Variants in TP63 observed in about 807,000 individuals in gnomAD.
The protein encoded by TP63 is tumor protein 63.
Under a neutral mutation model 82.8 loss-of-function variants are expected in TP63, and 17 were observed. The observed-to-expected ratio is 0.21, with a 90% CI of 0.14 to 0.31. The LOEUF is 0.31. Among genes scored for constraint, TP63 ranks in the 10% least tolerant of loss-of-function variants. TP63 has a pLI of 1.00. For synonymous variants in TP63, 330 were observed against 321.7 expected, an observed-to-expected ratio of 1.03 and a Z score of -0.28; for missense variants, 648 against 895.3, an observed-to-expected ratio of 0.72 and a Z score of 3.52.
chr3:189,881,171 C>T (rs1719872469), intron 10 of TP63: 3 of 981,120 alleles, frequency 3.1e-6, no homozygotes, highest in Non-Finnish European at 3.6e-6. Context: ...GTGCATTTAG[C>T]CAGGAGACTT....
At chr3:189,724,448 C>G (rs538707275) in intron 1 of TP63, among the ~76,000 whole-genome samples, 10 of 152,114 alleles carry the variant, frequency 6.6e-5, no homozygotes, top group Admixed American at 6.5e-4. Context: ...ACACTGAACC[C>G]GATTTGTAGT....
intron 4 of TP63, among the ~76,000 whole-genome samples, chr3:189,812,356 CTG>C (rs1255447961): frequency 6.6e-6 from 1 of 152,186 alleles, no homozygotes; most frequent in Admixed American, 6.5e-5. Flanking sequence ...TTCATCTTCT[CTG>C]TTTCACACAC....
chr3:189,672,742 G>C (rs938193358), intron 1 of TP63, among the ~76,000 whole-genome samples: 1 of 150,782 alleles, frequency 6.6e-6, no homozygotes, highest in African/African-American at 2.4e-5. Flanking sequence ...AAAAGAAGAA[G>C]AGATTAAGAC....
At chr3:189,768,268 T>G (rs549010762) in intron 3 of TP63, among the ~76,000 whole-genome samples, 15 of 152,266 alleles carry the variant, frequency 9.9e-5, no homozygotes, top group African/African-American at 3.6e-4. Context: ...TGGGCTTTTC[T>G]TTACTATTTA....
At chr3:189,618,317 A>G in the TP63 span, among the ~76,000 whole-genome samples, 1 of 152,164 alleles carries the variant, frequency 6.6e-6, no homozygotes, top group East Asian at 1.9e-4. Flanking sequence ...ATCTAATGAG[A>G]AAGTCTTTCT....
At chr3:189,802,697 A>T (rs778999169) in intron 3 of TP63, among the ~76,000 whole-genome samples, 6 of 152,142 alleles carry the variant, frequency 3.9e-5, no homozygotes, top group Non-Finnish European at 7.3e-5. Context: ...CATCACTAGG[A>T]TCCATACAGG....
chr3:189,882,777 A>G (rs193274805), intron 10 of TP63, among the ~76,000 whole-genome samples: 31 of 152,312 alleles, frequency 2.0e-4, no homozygotes, highest in Admixed American at 4.6e-4. Flanking sequence ...TTGAAGTCCT[A>G]TATGTCCTAA....
intron 1 of TP63, among the ~76,000 whole-genome samples, chr3:189,680,931 G>A (rs1715852681): frequency 6.6e-6 from 1 of 152,196 alleles, no homozygotes; most frequent in Non-Finnish European, 1.5e-5. Context: ...TGCAAGGGCT[G>A]GCTGGCCTGG....
chr3:189,693,169 T>G (rs747759128), intron 1 of TP63, among the ~76,000 whole-genome samples: 9 of 152,228 alleles, frequency 5.9e-5, no homozygotes, highest in African/African-American at 9.6e-5. Context: ...GATGACTGTT[T>G]CTTTGACTCC....
At chr3:189,805,304 T>A (rs1468005083) in intron 3 of TP63, among the ~76,000 whole-genome samples, 1 of 152,264 alleles carries the variant, frequency 6.6e-6, no homozygotes, top group African/African-American at 2.4e-5. Flanking sequence ...TAAAACATTT[T>A]CATCTCATTA....
At chr3:189,757,412 C>G (rs111364279) in intron 3 of TP63, among the ~76,000 whole-genome samples, 10 of 152,116 alleles carry the variant, frequency 6.6e-5, no homozygotes, top group African/African-American at 2.4e-4. Flanking sequence ...TTCTCATCTG[C>G]AAAACAAGGA....
At chr3:189,745,479 C>A (rs568547893) in intron 3 of TP63, among the ~76,000 whole-genome samples, 1 of 151,738 alleles carries the variant, frequency 6.6e-6, no homozygotes, top group African/African-American at 2.4e-5. Flanking sequence ...GAGGCTGAGG[C>A]GGGCAGATCA....
intron 3 of TP63, among the ~76,000 whole-genome samples, chr3:189,742,685 T>A (rs927185115): frequency 2.6e-5 from 4 of 152,222 alleles, no homozygotes; most frequent in African/African-American, 9.6e-5. Flanking sequence ...GCACATACAG[T>A]AGGTCTAGCC....
At chr3:189,669,843 G>T (rs1379334954) in intron 1 of TP63, among the ~76,000 whole-genome samples, 1 of 151,942 alleles carries the variant, frequency 6.6e-6, no homozygotes, top group Non-Finnish European at 1.5e-5. Flanking sequence ...CCCAAAAGTG[G>T]CAAGAAAGGA....
intron 1 of TP63, among the ~76,000 whole-genome samples, chr3:189,641,180 G>A (rs779921411): frequency 2.6e-5 from 4 of 151,940 alleles, no homozygotes; most frequent in African/African-American, 4.8e-5. Context: ...ACTTAATATT[G>A]TTCTGCACAT....
chr3:189,675,377 T>C (rs776949108), intron 1 of TP63, among the ~76,000 whole-genome samples: 2 of 151,882 alleles, frequency 1.3e-5, no homozygotes, highest in Non-Finnish European at 2.9e-5. Flanking sequence ...TGATACAAAA[T>C]AGAAAAAAAT....
chr3:189,634,878 AT>A (rs1199929757), intron 1 of TP63, among the ~76,000 whole-genome samples: 6 of 151,928 alleles, frequency 3.9e-5, no homozygotes, highest in African/African-American at 1.4e-4. Context: ...ATCCTTGTTA[AT>A]TTATTGTTTG....
chr3:189,889,312 C>A (rs1402178607), intron 11 of TP63, 28 bp from the exon 12 acceptor site: 4 of 1,614,118 alleles, frequency 2.5e-6, no homozygotes, highest in Non-Finnish European at 3.4e-6. Context: ...TGGCAGTAAC[C>A]CTTTTTGTTC....
the TP63 span, among the ~76,000 whole-genome samples, chr3:189,601,610 C>T: frequency 6.6e-6 from 1 of 152,212 alleles, no homozygotes; most frequent in East Asian, 1.9e-4. Context: ...TGAAGTGATA[C>T]TTGTTTGGTT....
Sources: gnomAD v4.1 joint callset for allele counts (sites outside exome capture counted in the v4.1 genomes callset) on GRCh38, gnomAD v4.1.1 for gene constraint, MANE v1.5 for transcripts, NCBI Gene and HGNC (gene_info 2026-07-23, HGNC 2026-07-21) for gene names.